Variants in HBB observed in about 807,000 individuals in gnomAD.
The protein encoded by HBB is Hb Monza protein.
HBB carries 18 observed loss-of-function variants against 9.7 expected under a neutral mutation model. The ratio of observed to expected loss-of-function variants is 1.86; its 90% CI spans 1.28 to 2.76. The LOEUF is 2.76. Among genes scored for constraint, HBB ranks in the 30% most tolerant of loss-of-function variants. HBB has a pLI of 0.00. For synonymous variants in HBB, 99 were observed against 73.6 expected (o/e 1.35, Z -1.77); for missense variants, 156 against 177.0 (o/e 0.88, Z 0.67).
rs1554917417 is a variant in HBB at position 5,225,483 on chromosome 11, T to G, written c.*115A>C. On this transcript the variant is annotated 3_prime_UTR_variant, in exon 3 of 3. Transcript: ENST00000335295. ...ACATCATTGCAATGAAAATAAATGT[T>G]TTTTATTAGGCAGAATCCAGATGCT... is the stretch of plus-strand genomic sequence containing the variant. 1 of 991,448 alleles carries G rather than the reference T, an allele frequency of 1.0e-6. No individual in the cohort carries two copies. The highest frequency in any genetic ancestry group is 1.6e-6 in the Non-Finnish European group (1 of 620,128). 61.4% of individuals were successfully genotyped at this position (991,448 alleles called of 1,614,324 possible).
rs63750205 is a variant in HBB, at chr11:5,225,486, TTA to T, written c.*110_*111del. 13 of 1,012,230 alleles carry T rather than the reference TTA, an allele frequency of 1.3e-5. No homozygotes were observed. The highest frequency in any genetic ancestry group is 1.7e-5 in the Non-Finnish European group (11 of 637,202). The allele number at this position is 1,012,230 out of a possible 1,614,324, so 62.7% of individuals were successfully genotyped here. ...TCATTGCAATGAAAATAAATGTTTT[TTA>T]TTAGGCAGAATCCAGATGCTCAAGG... On this transcript the variant is annotated 3_prime_UTR_variant, in exon 3 of 3. Transcript: ENST00000335295.
rs34672591 is a variant in HBB at position 5,226,627 on chromosome 11, G to A, written c.265C>T (p.Leu89=). 1.2e-6 allele frequency: 2 copies of A among 1,614,022 alleles called. No individual in the cohort carries two copies. The highest frequency in any genetic ancestry group is 2.7e-5 in the African/African-American group (2 of 74,910). Residue 89 remains leucine (L), a synonymous_variant, in exon 2 of 3, where the codon CTG becomes TTG. Transcript: ENST00000335295. ...LDNLKGTFAT[L]SELHCDKLHV... is the part of the protein sequence containing the mutation. ...AGCTTGTCACAGTGCAGCTCACTCA[G>A]TGTGGCAAAGGTGCCCTTGAGGTTG...
intron 1 of HBB, 37 bp downstream of exon 1, chr11:5,226,893 G>C: frequency 6.3e-7 from 1 of 1,593,004 alleles, no homozygotes; most frequent in South Asian, 1.1e-5. Context: ...AGTTTCTATT[G>C]GTCTCCTTAA....
rs35262412 is a variant in HBB at position 5,226,761 on chromosome 11, T to G, written c.131A>C (p.Glu44Ala). The G allele has an allele frequency of 6.2e-7, 1 of 1,613,918 alleles. No individual in the cohort carries two copies. The highest frequency in any genetic ancestry group is 1.3e-5 in the African/African-American group (1 of 74,870). ...VVYPWTQRFF[E>A]SFGDLSTPDA... ...AGGAGTGGACAGATCCCCAAAGGAC[T>G]CAAAGAACCTCTGGGTCCAAGGGTA... The change falls in exon 2 of 3, where the codon GAG becomes GCG. Residue 44 changes from glutamate to alanine, a missense_variant. Glu to Ala is a moderately radical substitution (Grantham distance 107, BLOSUM62 -1). Transcript: ENST00000335295.
chr11:5,225,622 A>G lies in HBB; in HGVS notation c.420T>C (p.Asn140=), dbSNP rs34240441. Residue 140 remains asparagine (N), a synonymous_variant, in exon 3 of 3, where the codon AAT becomes AAC. Transcript: ENST00000335295. The stretch of plus-strand genomic sequence containing the variant: ...CTTAGTGATACTTGTGGGCCAGGGC[A>G]TTAGCCACACCAGCCACCACTTTCT... ...AYQKVVAGVA[N]ALAHKYH is the part of the protein sequence containing the mutation. 1 of 1,614,178 alleles carries G rather than the reference A, an allele frequency of 6.2e-7. No homozygotes were observed. The highest frequency in any genetic ancestry group is 8.5e-7 in the Non-Finnish European group (1 of 1,180,000).
chr11:5,225,924 C>A lies in HBB; in HGVS notation c.316-198G>T, dbSNP rs547258651. 6.6e-6 allele frequency among the ~76,000 whole-genome samples: 1 copy of A among 152,146 alleles called. No homozygotes were observed. The highest frequency in any genetic ancestry group is 6.5e-5 in the Admixed American group (1 of 15,290). On this transcript the variant is annotated intron_variant, in intron 2 of 2. Transcript: ENST00000335295. ...TTTATATGCAGAGATATTGCTATTG[C>A]CTTAACCCAGAAATTATCACTGTTA...
Position 5,225,807 on chromosome 11 carries a change from A to G in HBB, c.316-81T>C, listed in dbSNP as rs911937119. Reference sequence around the variant, plus strand: ...CTCAGAATAATCCAGCCTTATCCCAACCATAAAATAAAAGCAGAATGGTAG... The same window carrying G: ...CTCAGAATAATCCAGCCTTATCCCAGCCATAAAATAAAAGCAGAATGGTAG... On this transcript the variant is annotated intron_variant, in intron 2 of 2. Coordinates refer to ENST00000335295, the MANE Select transcript of HBB (RefSeq NM_000518.5). 1 of 1,458,248 alleles carries G rather than the reference A, an allele frequency of 6.9e-7. No homozygotes were observed. The highest frequency in any genetic ancestry group is 1.4e-5 in the African/African-American group (1 of 71,976). The allele number at this position is 1,458,248 out of a possible 1,614,324, so 90.3% of individuals were successfully genotyped here. A position where few individuals can be genotyped will look rare whatever the true frequency, so the allele number is the denominator to read the frequency against.
In HBB at chr11:5,225,539, T is replaced by C. The variant is rs1345009528; in HGVS notation, c.*59A>G. On this transcript the variant is annotated 3_prime_UTR_variant, in exon 3 of 3. Coordinates refer to ENST00000335295, the MANE Select transcript of HBB (RefSeq NM_000518.5). ...CCCTTCATAATATCCCCCAGTTTAG[T>C]AGTTGGACTTAGGGAACAAAGGAAC... 8 of 1,542,992 alleles carry C rather than the reference T, an allele frequency of 5.2e-6. No individual in the cohort carries two copies. Among genetic ancestry groups the C allele is most frequent in the Non-Finnish European group, 7.2e-6 (8 of 1,115,058 alleles).
At position 5,226,606 on chromosome 11, in the gene HBB, T is replaced by C. The variant is rs33914359; in HGVS notation, c.286A>G (p.Lys96Glu). 5 of 1,614,008 alleles carry C rather than the reference T, an allele frequency of 3.1e-6. No homozygotes were observed. The African/African-American group carries it at 5.3e-5, about 17-fold the overall frequency. ...FATLSELHCD[K>E]LHVDPENFRL... The stretch of plus-strand genomic sequence containing the variant: ...AAGTTCTCAGGATCCACGTGCAGCT[T>C]GTCACAGTGCAGCTCACTCAGTGTG... The change falls in exon 2 of 3, where the codon AAG (lysine) becomes GAG (glutamate). Residue 96 changes from lysine to glutamate, a missense_variant. Transcript: ENST00000335295.
At position 5,226,807 on chromosome 11, in the gene HBB, T is replaced by TG. The variant is rs752631303; in HGVS notation, c.93-9dup. ...GGGTAGACCACCAGCAGCCTAAGGGTGGGAAAATAGACCAATAGGCAGAGA... is the reference window on the plus strand; with the variant it reads ...GGGTAGACCACCAGCAGCCTAAGGGTGGGGAAAATAGACCAATAGGCAGAGA... On this transcript the variant is annotated splice_polypyrimidine_tract_variant and intron_variant, in intron 1 of 2. Transcript: ENST00000335295. 8.1e-6 allele frequency: 13 copies of TG among 1,613,362 alleles called. No homozygotes were observed. In the South Asian group the frequency reaches 1.4e-4, roughly 18 times the overall value.
At position 5,225,726 on chromosome 11, in the gene HBB, GC is replaced by G. The variant is rs63750692; in HGVS notation, c.316-1del. ...ACACAGACCAGCACGTTGCCCAGGA[GC>G]TGTGGGAGGAAGATAAGAGGTATGA... On this transcript the variant is annotated splice_acceptor_variant, in intron 2 of 2. Transcript: ENST00000335295. LOFTEE classifies it high-confidence loss of function. 6.2e-7 allele frequency: 1 copy of G among 1,614,066 alleles called. No individual in the cohort carries two copies. The highest frequency in any genetic ancestry group is 8.5e-7 in the Non-Finnish European group (1 of 1,179,928).
intron 2 of HBB, 94 bp from the exon 3 acceptor site, chr11:5,225,820 A>T: frequency 7.6e-7 from 1 of 1,310,414 alleles, no homozygotes; most frequent in South Asian, 1.2e-5. Context: ...ATAAAATAAA[A>T]GCAGAATGGT....
rs1246447924 is a variant in HBB at position 5,226,267 on chromosome 11, A to G, written c.315+310T>C. 1.1e-5 allele frequency: 6 copies of G among 531,848 alleles called. No individual in the cohort carries two copies. In the East Asian group the frequency reaches 1.6e-4, roughly 14 times the overall value. 32.9% of individuals were successfully genotyped at this position (531,848 alleles called of 1,614,324 possible). A position where few individuals can be genotyped will look rare whatever the true frequency, so the allele number is the denominator to read the frequency against. On this transcript the variant is annotated intron_variant, in intron 2 of 2. Transcript: ENST00000335295. ...GTAATGTACTAGGCAGACTGTGTAAAGTTTTTTTTTAAGTTACTTAATGTA... is the reference window on the plus strand; with the variant it reads ...GTAATGTACTAGGCAGACTGTGTAAGGTTTTTTTTTAAGTTACTTAATGTA...
In HBB at chr11:5,226,332, C is replaced by T; in HGVS notation, c.315+245G>A. On this transcript the variant is annotated intron_variant, in intron 2 of 2. Transcript: ENST00000335295. ...CCTTTTGTTATACACAATGTTAAGG[C>T]ATTAAGTATAATAGTAAAAATTGCG... is the stretch of plus-strand genomic sequence containing the variant. 1 of 595,470 alleles carries T rather than the reference C, an allele frequency of 1.7e-6. No homozygotes were observed. The highest frequency in any genetic ancestry group is 1.9e-5 in the African/African-American group (1 of 52,570). 36.9% of individuals were successfully genotyped at this position (595,470 alleles called of 1,614,324 possible). A position where few individuals can be genotyped will look rare whatever the true frequency, so the allele number is the denominator to read the frequency against.
rs1201877853 is a variant in HBB at position 5,225,547 on chromosome 11, C to T, written c.*51G>A. The T allele has an allele frequency of 6.3e-7, 1 of 1,598,254 alleles. No homozygotes were observed. Among genetic ancestry groups the T allele is most frequent in the South Asian group, 1.1e-5 (1 of 90,766 alleles). On this transcript the variant is annotated 3_prime_UTR_variant, in exon 3 of 3. Coordinates refer to ENST00000335295, the MANE Select transcript of HBB (RefSeq NM_000518.5). ...AATATCCCCCAGTTTAGTAGTTGGA[C>T]TTAGGGAACAAAGGAACCTTTAATA...
Position 5,225,668 on chromosome 11 carries a change from G to T in HBB, c.374C>A (p.Pro125Gln), listed in dbSNP as rs33983276. The change falls in exon 3 of 3, where the codon CCA becomes CAA. Residue 125 changes from proline to glutamine, a missense_variant. Coordinates refer to ENST00000335295, the MANE Select transcript of HBB (RefSeq NM_000518.5). Reference sequence around the variant, plus strand: ...TTTCTGATAGGCAGCCTGCACTGGTGGGGTGAATTCTTTGCCAAAGTGATG... The same window carrying T: ...TTTCTGATAGGCAGCCTGCACTGGTTGGGTGAATTCTTTGCCAAAGTGATG... ...LAHHFGKEFTPPVQAAYQKVV... is the reference protein window; with the variant it reads ...LAHHFGKEFTQPVQAAYQKVV... The T allele has an allele frequency of 6.8e-6, 11 of 1,613,916 alleles. No homozygotes were observed. The highest frequency in any genetic ancestry group is 2.2e-5 in the South Asian group (2 of 91,074).
In HBB at chr11:5,226,981, G is replaced by A. The variant is rs35203747; in HGVS notation, c.41C>T (p.Ala14Val). The change falls in exon 1 of 3, where the codon GCC becomes GTC. Residue 14 changes from alanine (A) to valine (V), a missense_variant. Ala to Val is a moderately conservative substitution (Grantham distance 64, BLOSUM62 0). Coordinates refer to ENST00000335295, the MANE Select transcript of HBB (RefSeq NM_000518.5). ...LTPEEKSAVT[A>V]LWGKVNVDEV... is the part of the protein sequence containing the mutation. Reference sequence around the variant, plus strand: ...ATCCACGTTCACCTTGCCCCACAGGGCAGTAACGGCAGACTTCTCCTCAGG... The same window carrying A: ...ATCCACGTTCACCTTGCCCCACAGGACAGTAACGGCAGACTTCTCCTCAGG... 1.4e-5 allele frequency: 23 copies of A among 1,613,376 alleles called. No homozygotes were observed. The highest frequency in any genetic ancestry group is 1.9e-5 in the Non-Finnish European group (22 of 1,179,440).
At position 5,225,615 on chromosome 11, in the gene HBB, C is replaced by T. The variant is rs33931806; in HGVS notation, c.427G>A (p.Ala143Thr). 1.2e-6 allele frequency: 2 copies of T among 1,614,080 alleles called. No homozygotes were observed. The highest frequency in any genetic ancestry group is 2.2e-5 in the South Asian group (2 of 91,082). ...KVVAGVANAL[A>T]HKYH ...AAGCGAGCTTAGTGATACTTGTGGG[C>T]CAGGGCATTAGCCACACCAGCCACC... is the stretch of plus-strand genomic sequence containing the variant. Residue 143 changes from alanine to threonine, a missense_variant, in exon 3 of 3, where the codon GCC (alanine) becomes ACC (threonine). Coordinates refer to ENST00000335295, the MANE Select transcript of HBB (RefSeq NM_000518.5).
rs1847583183 is a variant in HBB, at chr11:5,226,955, CATCCACGTTCACCT to C, written c.53_66del (p.Lys18ArgfsTer5). 1.9e-6 allele frequency: 3 copies of C among 1,613,766 alleles called. No individual in the cohort carries two copies. The highest frequency in any genetic ancestry group is 2.5e-6 in the Non-Finnish European group (3 of 1,179,732). ...CTGCCCAGGGCCTCACCACCAACTT[CATCCACGTTCACCT>C]TGCCCCACAGGGCAGTAACGGCAGA... On this transcript the variant is annotated frameshift_variant, in exon 1 of 3. Coordinates refer to ENST00000335295, the MANE Select transcript of HBB (RefSeq NM_000518.5). LOFTEE classifies it high-confidence loss of function.
Sources: gnomAD v4.1 joint callset for allele counts (sites outside exome capture counted in the v4.1 genomes callset) on GRCh38, gnomAD v4.1.1 for gene constraint, MANE v1.5 for transcripts, NCBI Gene and HGNC (gene_info 2026-07-23, HGNC 2026-07-21) for gene names.